Variants in MCF2 observed in about 807,000 individuals in gnomAD.
The protein encoded by MCF2 is MCF.2 cell line derived transforming sequence, also known as proto-oncogene DBL.
MCF2 carries 44 observed loss-of-function variants against 82.5 expected under a neutral mutation model. The observed-to-expected ratio is 0.53, with a 90% CI of 0.42 to 0.69. The LOEUF (loss-of-function observed/expected upper bound fraction) is 0.69. Among genes scored for constraint, MCF2 ranks in the 30% least tolerant of loss-of-function variants. MCF2 has a pLI of 0.00. For missense variants in MCF2, 623 were observed against 663.1 expected, an observed-to-expected ratio of 0.94 and a Z score of 0.66; for synonymous variants, 217 against 224.9, an observed-to-expected ratio of 0.96 and a Z score of 0.32.
At chrX:139,697,840 C>T (rs575985774) in intron 1 of MCF2, among the ~76,000 whole-genome samples, 4 of 112,329 alleles carry the variant, frequency 3.6e-5, no homozygotes, top group African/African-American at 1.3e-4. Context: ...AGAAGTAGCC[C>T]CTTTAAAACT....
At chrX:139,618,598 T>C (rs1488302361) in intron 7 of MCF2, among the ~76,000 whole-genome samples, 4 of 111,133 alleles carry the variant, frequency 3.6e-5, no homozygotes, top group Non-Finnish European at 7.6e-5. Flanking sequence ...CTATGTAAAG[T>C]GTCCCATGAT....
intron 8 of MCF2, 21 bp downstream of exon 11, chrX:139,617,492 G>A: frequency 9.0e-7 from 1 of 1,116,078 alleles, no homozygotes; most frequent in Non-Finnish European, 1.2e-6. Flanking sequence ...TTCAGAAATG[G>A]ATCATTTCCC....
chrX:139,596,531 C>A lies in MCF2; in HGVS notation c.2277+18G>T, dbSNP rs759869646. The A allele has an allele frequency of 5.2e-6, 6 of 1,147,414 alleles. No homozygotes were observed. Among genetic ancestry groups the A allele is most frequent in the Non-Finnish European group, 7.2e-6 (6 of 837,671 alleles). 94.6% of individuals were successfully genotyped at this position (1,147,414 alleles called of 1,213,427 possible). On this transcript the variant is annotated intron_variant, in intron 19 of 24. Coordinates refer to ENST00000370576, the Ensembl canonical transcript of MCF2. Reference sequence around the variant, plus strand: ...ACACACGAAACAATACTACATTACCCGATACAAATTGTCTTACTTTCCAAC... The same window carrying A: ...ACACACGAAACAATACTACATTACCAGATACAAATTGTCTTACTTTCCAAC...
At chrX:139,693,744 AGTT>A (rs1935326193) in intron 1 of MCF2, among the ~76,000 whole-genome samples, 1 of 111,707 alleles carries the variant, frequency 9.0e-6, no homozygotes, top group South Asian at 3.8e-4. Flanking sequence ...CCAATGTGGC[AGTT>A]GTTGTAAAAT....
At chrX:139,682,608 T>C (rs1935026110) in intron 1 of MCF2, among the ~76,000 whole-genome samples, 1 of 112,347 alleles carries the variant, frequency 8.9e-6, no homozygotes, top group Admixed American at 9.4e-5. Flanking sequence ...CTAAAAAATA[T>C]CTCCTGCCAC....
At chrX:139,697,578 T>G (rs1430419776) in intron 1 of MCF2, among the ~76,000 whole-genome samples, 3 of 111,906 alleles carry the variant, frequency 2.7e-5, no homozygotes, top group Non-Finnish European at 3.8e-5. Context: ...CTGAAAAGTA[T>G]GTTAAATGCA....
intron 1 of MCF2, among the ~76,000 whole-genome samples, chrX:139,656,890 C>T (rs1477276436): frequency 6.2e-5 from 7 of 112,154 alleles, no homozygotes. Flanking sequence ...ATCAAGTCCA[C>T]ATTACAGCAT....
rs57739559 is a variant in MCF2 at position 139,663,576 on chromosome X, G to GTT, written c.-44-11790_-44-11789dup. Reference sequence around the variant, plus strand: ...AGCCCAATAGCCAATAGTTTGCTTTGTTTTTTTTTTTTTTTTGGCTCCTCT... The same window carrying GTT: ...AGCCCAATAGCCAATAGTTTGCTTTGTTTTTTTTTTTTTTTTTTGGCTCCTCT... On this transcript the variant is annotated intron_variant, in intron 1 of 27. Coordinates refer to the MCF2 transcript ENST00000414978. 9.3e-3 allele frequency among the ~76,000 whole-genome samples: 801 copies of GTT among 86,370 alleles called. 9 individuals carry two copies. The highest frequency in any genetic ancestry group is 0.03 in the African/African-American group (731 of 24,168). The allele number at this position is 86,370 out of a possible 115,157, so 75.0% of individuals were successfully genotyped here.
intron 3 of MCF2, 147 bp downstream of exon 6, chrX:139,631,248 T>C: frequency 2.4e-6 from 1 of 417,713 alleles, no homozygotes; most frequent in Admixed American, 3.5e-5. Flanking sequence ...TGAATTTATA[T>C]GTATGTGAAA....
intron 1 of MCF2, among the ~76,000 whole-genome samples, chrX:139,687,532 C>T (rs1181036463): frequency 8.9e-6 from 1 of 112,378 alleles, no homozygotes; most frequent in Non-Finnish European, 1.9e-5. Context: ...TCAGAGGATG[C>T]TTGCTTAAGA....
intron 1 of MCF2, among the ~76,000 whole-genome samples, chrX:139,640,556 T>C (rs1156763643): frequency 9.0e-6 from 1 of 111,418 alleles, no homozygotes; most frequent in African/African-American, 3.3e-5. Flanking sequence ...GCTACAGTCA[T>C]TGAAATTTCT....
At chrX:139,617,120 A>C (rs966836494) in intron 8 of MCF2, among the ~76,000 whole-genome samples, 3 of 111,364 alleles carry the variant, frequency 2.7e-5, no homozygotes, top group African/African-American at 9.8e-5. Flanking sequence ...TGAAATGTGA[A>C]AGGAGTTTCA....
intron 1 of MCF2, among the ~76,000 whole-genome samples, chrX:139,674,366 G>T (rs1291685261): frequency 9.0e-6 from 1 of 111,646 alleles, no homozygotes; most frequent in African/African-American, 3.3e-5. Flanking sequence ...CTGTCATTAT[G>T]ATGTTAGCTG....
At chrX:139,689,234 C>T in intron 1 of MCF2, among the ~76,000 whole-genome samples, 1 of 112,072 alleles carries the variant, frequency 8.9e-6, no homozygotes, top group Non-Finnish European at 1.9e-5. Context: ...TCTTCCTCTC[C>T]ACGGCATAAG....
chrX:139,645,535 T>C, upstream of MCF2: 1 of 914,536 alleles, frequency 1.1e-6, no homozygotes, highest in Non-Finnish European at 1.6e-6. Context: ...AAAACAAAAA[T>C]AAAAAGTTAC....
chrX:139,647,954 C>T (rs1337288567), intron 2 of MCF2, among the ~76,000 whole-genome samples: 1 of 111,787 alleles, frequency 8.9e-6, no homozygotes, highest in Non-Finnish European at 1.9e-5. Flanking sequence ...TGCAAGGTGG[C>T]CTTTGAAATT....
chrX:139,700,820 A>T (rs986507423), intron 1 of MCF2, among the ~76,000 whole-genome samples: 16 of 112,311 alleles, frequency 1.4e-4, no homozygotes, highest in African/African-American at 5.2e-4. Context: ...TAAAGTCATG[A>T]GTAAATGTTC....
chrX:139,699,169 C>T (rs953949960), intron 1 of MCF2, among the ~76,000 whole-genome samples: 15 of 111,972 alleles, frequency 1.3e-4, no homozygotes, highest in Non-Finnish European at 1.3e-4. Context: ...GTTAACATTA[C>T]GCCAGAACAA....
chrX:139,588,353 A>G lies in MCF2; in HGVS notation c.2449+7T>C. The G allele has an allele frequency of 1.7e-6, 2 of 1,197,210 alleles. No homozygotes were observed. ...TCTTGTTCTGAAGAATGCAGGCTTG[A>G]ATTTACCTGTCAAAAGTTCCTGCTG... On this transcript the variant is annotated splice_region_variant and intron_variant, in intron 21 of 24. Transcript: ENST00000370576.
Sources: allele counts gnomAD v4.1 joint callset (sites outside exome capture counted in the v4.1 genomes callset), GRCh38; gene constraint gnomAD v4.1.1; transcripts MANE v1.5; gene names NCBI Gene and HGNC (gene_info 2026-07-23, HGNC 2026-07-21).